The following SDHB variants were observed in gnomAD, a reference collection of about 807,000 sequenced individuals.
SDHB encodes the protein succinate dehydrogenase [ubiquinone] iron-sulfur subunit, mitochondrial.
A neutral mutation model predicts 39.7 loss-of-function variants in SDHB; 21 were observed. That is an observed-to-expected ratio of 0.53 (90% CI 0.37 to 0.76). SDHB has a LOEUF of 0.76. Among genes scored for constraint, SDHB ranks in the 30% least tolerant of loss-of-function variants. The pLI is 0.00. For missense variants in SDHB, 343 were observed against 350.9 expected (o/e 0.98, Z 0.18); for synonymous variants, 118 against 117.0 (o/e 1.01, Z -0.06).
At chr1:17,028,825 C>T in intron 3 of SDHB, 89 bp from the exon 4 acceptor site, 1 of 1,487,670 alleles carries the variant, frequency 6.7e-7, no homozygotes, top group Non-Finnish European at 9.3e-7. Flanking sequence ...CCTTGCTGTG[C>T]CATCAGGGGC....
chr1:17,038,305 CCTGG>C (rs1366866268), intron 2 of SDHB, among the ~76,000 whole-genome samples: 4 of 152,276 alleles, frequency 2.6e-5, no homozygotes, highest in African/African-American at 9.6e-5. Flanking sequence ...ACCCAATTTC[CCTGG>C]CTAAGCCTCC....
intron 5 of SDHB, among the ~76,000 whole-genome samples, chr1:17,027,289 T>C (rs2077996126): frequency 6.6e-6 from 1 of 152,166 alleles, no homozygotes; most frequent in South Asian, 2.1e-4. Context: ...ACCCCACAGA[T>C]CACCAGAAGT....
chr1:17,023,238 G>A (rs1411404416), intron 6 of SDHB: 2 of 268,154 alleles, frequency 7.5e-6, no homozygotes, highest in Admixed American at 9.9e-5. Context: ...TTAATCACAT[G>A]ACCATAGGCC....
At chr1:17,035,169 T>C (rs1377138387) in intron 2 of SDHB, among the ~76,000 whole-genome samples, 1 of 152,214 alleles carries the variant, frequency 6.6e-6, no homozygotes, top group Non-Finnish European at 1.5e-5. Flanking sequence ...ATTTTAAACA[T>C]ACATGAGTTA....
At position 17,033,143 on chromosome 1, in the gene SDHB, C is replaced by T. The variant is rs587782904; in HGVS notation, c.203G>A (p.Cys68Tyr). Residue 68 changes from cysteine to tyrosine, a missense_variant and splice_region_variant, in exon 3 of 8, where the codon TGT (cysteine) becomes TAT (tyrosine). Transcript: ENST00000375499. ...TAAAGCATCCAATACCATGGGGCCACATCTAACAAAGAAAAATATCCAGTG... is the reference window on the plus strand; with the variant it reads ...TAAAGCATCCAATACCATGGGGCCATATCTAACAAAGAAAAATATCCAGTG... Reference protein sequence around the residue: ...MQTYEVDLNKCGPMVLDALIK... With the variant: ...MQTYEVDLNKYGPMVLDALIK... 1 of 1,609,804 alleles carries T rather than the reference C, an allele frequency of 6.2e-7. No individual in the cohort carries two copies. The highest frequency in any genetic ancestry group is 8.5e-7 in the Non-Finnish European group (1 of 1,176,212).
At chr1:17,029,716 G>A (rs12142023) in intron 3 of SDHB, among the ~76,000 whole-genome samples, 6 of 152,190 alleles carry the variant, frequency 3.9e-5, no homozygotes, top group African/African-American at 1.4e-4. Context: ...AGATTATTAA[G>A]AGATAGCTCT....
At chr1:17,027,242 G>C (rs1364472768) in intron 5 of SDHB, among the ~76,000 whole-genome samples, 5 of 152,198 alleles carry the variant, frequency 3.3e-5, no homozygotes, top group African/African-American at 9.6e-5. Context: ...CACAGGAATG[G>C]CAACTCCCAG....
chr1:17,022,766 C>A, intron 6 of SDHB, 36 bp from the exon 7 acceptor site: 1 of 1,605,026 alleles, frequency 6.2e-7, no homozygotes, highest in South Asian at 1.1e-5. Flanking sequence ...AGCTGCCAAT[C>A]AACAGGCCAG....
At chr1:17,038,983 C>A (rs1225790428) in intron 2 of SDHB, among the ~76,000 whole-genome samples, 1 of 151,948 alleles carries the variant, frequency 6.6e-6, no homozygotes, top group Non-Finnish European at 1.5e-5. Flanking sequence ...AAATGTATTT[C>A]TTTATTTTTT....
intron 5 of SDHB, among the ~76,000 whole-genome samples, chr1:17,025,125 C>T (rs2647161): frequency 0.092 from 14,017 of 152,174 alleles, 698 homozygotes; most frequent in African/African-American, 0.13. Flanking sequence ...TTATTTCTAA[C>T]AGTAAAAAAT....
At chr1:17,052,347 A>T (rs1050396442) in intron 1 of SDHB, 2 of 152,172 alleles carry the variant, frequency 1.3e-5, no homozygotes, top group Non-Finnish European at 2.9e-5. Flanking sequence ...CACCAAGCTC[A>T]TTACTGAATT....
At chr1:17,030,105 T>C (rs375292939) in intron 3 of SDHB, among the ~76,000 whole-genome samples, 1 of 152,018 alleles carries the variant, frequency 6.6e-6, no homozygotes, top group Admixed American at 6.6e-5. Context: ...GGGAGAATCA[T>C]TTGAACTGAG....
At chr1:17,028,861 A>T in intron 3 of SDHB, 125 bp from the exon 4 acceptor site, 2 of 1,149,720 alleles carry the variant, frequency 1.7e-6, no homozygotes, top group Non-Finnish European at 2.6e-6. Context: ...CATTCCTCTG[A>T]CAGAGGTGCC....
At chr1:17,049,784 T>A (rs963053554) in intron 1 of SDHB, among the ~76,000 whole-genome samples, 3 of 149,268 alleles carry the variant, frequency 2.0e-5, no homozygotes, top group African/African-American at 7.4e-5. Context: ...TAGCTGGGAT[T>A]ACAGGCGCGT....
At chr1:17,023,893 C>T in intron 6 of SDHB, 80 bp downstream of exon 6, 1 of 1,083,434 alleles carries the variant, frequency 9.2e-7, no homozygotes, top group South Asian at 1.3e-5. Flanking sequence ...GAATGGCTGG[C>T]TTACAGCAAT....
intron 1 of SDHB, chr1:17,045,142 T>C (rs1034076007): frequency 1.2e-5 from 6 of 486,648 alleles, no homozygotes; most frequent in African/African-American, 1.2e-4. Context: ...AGAACTTACT[T>C]TGTAGTGAAC....
intron 5 of SDHB, among the ~76,000 whole-genome samples, chr1:17,026,612 A>G (rs1182625296): frequency 1.3e-5 from 2 of 151,966 alleles, no homozygotes; most frequent in East Asian, 3.9e-4. Context: ...TGATCCGCCC[A>G]CCTCGGCCTC....
At chr1:17,034,961 C>T (rs1557743408) in intron 2 of SDHB, among the ~76,000 whole-genome samples, 1 of 152,232 alleles carries the variant, frequency 6.6e-6, no homozygotes, top group East Asian at 1.9e-4. Context: ...ACGAATACCA[C>T]CTGCCCGCAC....
rs376991284 is a variant in SDHB at position 17,046,993 on chromosome 1, A to C, written c.73-2105T>G. 1.3e-3 allele frequency among the ~76,000 whole-genome samples: 191 copies of C among 152,360 alleles called. 5 individuals carry two copies. In the South Asian group the frequency reaches 0.038, roughly 31 times the overall value. ...TGGCCTCCCAAACTGCTAGGATTACAGGCGTGAGCCACCGTGCCTGGCCAA... is the reference window on the plus strand; with the variant it reads ...TGGCCTCCCAAACTGCTAGGATTACCGGCGTGAGCCACCGTGCCTGGCCAA... On this transcript the variant is annotated intron_variant, in intron 1 of 7. Coordinates refer to ENST00000375499, the MANE Select transcript of SDHB (RefSeq NM_003000.3).
Sources: gnomAD v4.1 joint callset for allele counts (sites outside exome capture counted in the v4.1 genomes callset) on GRCh38, gnomAD v4.1.1 for gene constraint, MANE v1.5 for transcripts, NCBI Gene and HGNC (gene_info 2026-07-23, HGNC 2026-07-21) for gene names.